Variants in CYP19A1 observed in about 807,000 individuals in gnomAD.
CYP19A1 encodes the protein aromatase.
In CYP19A1, 32 loss-of-function variants were observed where a neutral mutation model predicts 44.4. That is an observed-to-expected ratio of 0.72 (90% CI 0.54 to 0.97). The LOEUF is 0.97. Among genes scored for constraint, CYP19A1 ranks in the 50% least tolerant of loss-of-function variants. The pLI is 0.00. For missense variants in CYP19A1, 598 were observed against 637.8 expected (o/e 0.94, Z 0.67); for synonymous variants, 212 against 215.6 (o/e 0.98, Z 0.14).
At position 51,227,758 on chromosome 15, in the gene CYP19A1, GCTAA is replaced by G. The variant is rs749025002; in HGVS notation, c.451+17_451+20del. 2 of 1,166,270 alleles carry G rather than the reference GCTAA, an allele frequency of 1.7e-6. No homozygotes were observed. Among genetic ancestry groups the G allele is most frequent in the South Asian group, 1.2e-5 (1 of 81,396 alleles). The allele number at this position is 1,166,270 out of a possible 1,614,324, so 72.2% of individuals were successfully genotyped here. On this transcript the variant is annotated intron_variant, in intron 4 of 9. Transcript: ENST00000396402. ...ACATTCATAGACAAAAAAGATTGTA[GCTAA>G]CTAAGTACCTGCTTACCTTTCATAA... is the stretch of plus-strand genomic sequence containing the variant.
intron 1 of CYP19A1, among the ~76,000 whole-genome samples, chr15:51,267,023 T>TC: frequency 6.6e-6 from 1 of 152,216 alleles, no homozygotes; most frequent in Non-Finnish European, 1.5e-5. Context: ...CAGAAGAAAA[T>TC]CTGAGGTGGG....
At chr15:51,246,623 G>A (rs1351675571) in intron 1 of CYP19A1, among the ~76,000 whole-genome samples, 1 of 152,128 alleles carries the variant, frequency 6.6e-6, no homozygotes, top group African/African-American at 2.4e-5. Flanking sequence ...ATGACCTGGG[G>A]GTCTGAACAC....
intron 1 of CYP19A1, among the ~76,000 whole-genome samples, chr15:51,302,820 G>A (rs923530318): frequency 1.3e-5 from 2 of 152,208 alleles, no homozygotes; most frequent in African/African-American, 2.4e-5. Flanking sequence ...ATTGCCCTGG[G>A]TTGAAACTGT....
chr15:51,316,660 C>T (rs1252106568), intron 1 of CYP19A1, among the ~76,000 whole-genome samples: 1 of 150,814 alleles, frequency 6.6e-6, no homozygotes, highest in Non-Finnish European at 1.5e-5. Context: ...GGGTGCATTG[C>T]TTGAGCCCAG....
At chr15:51,330,234 C>T (rs918003932) in intron 1 of CYP19A1, among the ~76,000 whole-genome samples, 29 of 152,014 alleles carry the variant, frequency 1.9e-4, no homozygotes, top group African/African-American at 6.8e-4. Context: ...ACCGAAGAAT[C>T]GAGTCTGGGC....
chr15:51,221,509 A>T (rs2032077643), intron 5 of CYP19A1: 1 of 152,220 alleles, frequency 6.6e-6, no homozygotes, highest in Non-Finnish European at 1.5e-5. Context: ...AGTCCAGTGA[A>T]TTCCATTCCT....
Position 51,225,886 on chromosome 15 carries a change from G to A in CYP19A1, c.451+1893C>T, listed in dbSNP as rs549179219. 1.1e-4 allele frequency among the ~76,000 whole-genome samples: 16 copies of A among 151,912 alleles called. No individual in the cohort carries two copies. In the South Asian group the frequency reaches 3.1e-3, roughly 30 times the overall value. On this transcript the variant is annotated intron_variant, in intron 4 of 9. Coordinates refer to ENST00000396402, the MANE Select transcript of CYP19A1 (RefSeq NM_000103.4). ...GGGCAAATCATGAGGTCAGGAGATC[G>A]AGACCATCCTGGCTAACACGGTGAA...
intron 2 of CYP19A1, among the ~76,000 whole-genome samples, chr15:51,240,834 A>G (rs1314094178): frequency 6.6e-6 from 1 of 152,140 alleles, no homozygotes; most frequent in East Asian, 1.9e-4. Context: ...CTGGGCTTTA[A>G]CCATTCACTT....
chr15:51,273,193 C>T (rs779365140), intron 1 of CYP19A1, among the ~76,000 whole-genome samples: 1 of 152,158 alleles, frequency 6.6e-6, no homozygotes, highest in South Asian at 2.1e-4. Flanking sequence ...TCCTGATCCA[C>T]CCACCTCGGC....
At chr15:51,297,949 A>T (rs1252238727) in intron 1 of CYP19A1, among the ~76,000 whole-genome samples, 1 of 151,582 alleles carries the variant, frequency 6.6e-6, no homozygotes, top group Non-Finnish European at 1.5e-5. Flanking sequence ...TTAGGAGAGG[A>T]TTTAGGCTAC....
At chr15:51,304,099 G>T (rs28559787) in intron 1 of CYP19A1, among the ~76,000 whole-genome samples, 29,719 of 151,926 alleles carry the variant, frequency 0.2, 5,733 homozygotes, top group African/African-American at 0.49. Context: ...TAGAAACAAC[G>T]GTGCTCTCAG....
intron 1 of CYP19A1, among the ~76,000 whole-genome samples, chr15:51,318,168 G>A (rs565828435): frequency 1.3e-5 from 2 of 152,034 alleles, no homozygotes; most frequent in African/African-American, 4.8e-5. Context: ...CACAGTGCTC[G>A]GTGCTTTATG....
intron 2 of CYP19A1, chr15:51,242,341 G>T: frequency 3.6e-6 from 1 of 274,428 alleles, no homozygotes; most frequent in Non-Finnish European, 7.0e-6. Context: ...AGACAAAGAG[G>T]GGGCATGGCG....
chr15:51,337,456 C>T (rs1039512913), intron 1 of CYP19A1, among the ~76,000 whole-genome samples: 1 of 152,188 alleles, frequency 6.6e-6, no homozygotes, highest in Non-Finnish European at 1.5e-5. Flanking sequence ...GAAATAGATA[C>T]AATTACAGTC....
At chr15:51,258,687 C>T (rs1009490799) in intron 1 of CYP19A1, among the ~76,000 whole-genome samples, 5 of 152,170 alleles carry the variant, frequency 3.3e-5, no homozygotes, top group Admixed American at 6.5e-5. Flanking sequence ...CCAACCCCTG[C>T]GCCAGTCTCT....
chr15:51,248,250 A>G (rs1595718656), intron 1 of CYP19A1, among the ~76,000 whole-genome samples: 1 of 151,972 alleles, frequency 6.6e-6, no homozygotes, highest in Non-Finnish European at 1.5e-5. Context: ...TGCCAAACAA[A>G]CCATCTCTCC....
chr15:51,328,127 C>T (rs1005139892), intron 1 of CYP19A1, among the ~76,000 whole-genome samples: 2 of 152,272 alleles, frequency 1.3e-5, no homozygotes, highest in Non-Finnish European at 2.9e-5. Flanking sequence ...CCATTTGTAA[C>T]ATGATTTTCC....
At chr15:51,291,334 C>T (rs1427221115) in intron 1 of CYP19A1, among the ~76,000 whole-genome samples, 3 of 151,742 alleles carry the variant, frequency 2.0e-5, no homozygotes, top group South Asian at 2.1e-4. Context: ...AATGGGCTTG[C>T]GGAGGTGTAG....
intron 3 of CYP19A1, among the ~76,000 whole-genome samples, chr15:51,229,206 T>G (rs964274710): frequency 6.6e-6 from 1 of 151,900 alleles, no homozygotes; most frequent in African/African-American, 2.4e-5. Context: ...TGTCAAGAAA[T>G]TAGAACAGGA....
Sources: gnomAD v4.1 joint callset for allele counts (sites outside exome capture counted in the v4.1 genomes callset) on GRCh38, gnomAD v4.1.1 for gene constraint, MANE v1.5 for transcripts, NCBI Gene and HGNC (gene_info 2026-07-23, HGNC 2026-07-21) for gene names.